The following RORA variants were observed in gnomAD, a reference collection of about 807,000 sequenced individuals.
The protein encoded by RORA is nuclear receptor ROR-alpha.
Under a neutral mutation model 69.5 loss-of-function variants are expected in RORA, and 7 were observed. The ratio of observed to expected loss-of-function variants is 0.10; its 90% CI spans 0.06 to 0.19. RORA has a LOEUF of 0.19. RORA is among the 10% of genes least tolerant of loss of function. The probability of loss-of-function intolerance (pLI) is 1.00; values close to 1 mark genes in which losing one functional copy is unlikely to be tolerated. For missense variants in RORA, 457 were observed against 663.0 expected (o/e 0.69, Z 3.41); for synonymous variants, 261 against 240.8 (o/e 1.08, Z -0.78).
intron 1 of RORA, among the ~76,000 whole-genome samples, chr15:61,132,147 T>G (rs1038345019): frequency 6.6e-6 from 1 of 152,266 alleles, no homozygotes; most frequent in Non-Finnish European, 1.5e-5. Context: ...AGAAATTCAT[T>G]GAAATGCATG....
intron 1 of RORA, among the ~76,000 whole-genome samples, chr15:61,091,791 T>A (rs894546187): frequency 1.3e-5 from 2 of 152,228 alleles, no homozygotes; most frequent in Non-Finnish European, 2.9e-5. Context: ...ATTAGAAATG[T>A]AAGTACTGCT....
At chr15:60,772,059 T>G (rs1213370986) in intron 1 of RORA, among the ~76,000 whole-genome samples, 1 of 152,070 alleles carries the variant, frequency 6.6e-6, no homozygotes, top group Non-Finnish European at 1.5e-5. Context: ...ATTTTTATTT[T>G]TATTTATTTA....
chr15:60,645,544 A>G (rs1376049106), intron 2 of RORA, among the ~76,000 whole-genome samples: 1 of 150,956 alleles, frequency 6.6e-6, no homozygotes, highest in African/African-American at 2.4e-5. Flanking sequence ...GGCATGCGCC[A>G]TCACGCCTGG....
intron 1 of RORA, among the ~76,000 whole-genome samples, chr15:61,045,228 A>C (rs1436426641): frequency 1.3e-5 from 2 of 152,102 alleles, no homozygotes; most frequent in African/African-American, 4.8e-5. Flanking sequence ...AAGTCTCACC[A>C]GATCTGATGG....
intron 1 of RORA, among the ~76,000 whole-genome samples, chr15:61,096,222 G>C (rs1055722800): frequency 6.6e-6 from 1 of 152,154 alleles, no homozygotes; most frequent in African/African-American, 2.4e-5. Context: ...AGGTGGCTTT[G>C]GGGAATGGCT....
rs370309355 is a variant in RORA at position 61,099,853 on chromosome 15, T to G, written c.166+129200A>C. On this transcript the variant is annotated intron_variant, in intron 1 of 10. Transcript: ENST00000335670. The stretch of plus-strand genomic sequence containing the variant: ...TCAAATCCTTCTACCCTTAGGTGAA[T>G]GAAATTCGTTTGTAGGACACTCCTG... 3.3e-5 allele frequency among the ~76,000 whole-genome samples: 5 copies of G among 152,330 alleles called. No individual in the cohort carries two copies. In the East Asian group the frequency reaches 9.6e-4, roughly 29 times the overall value.
At chr15:60,834,916 A>C (rs192566381) in intron 1 of RORA, among the ~76,000 whole-genome samples, 3 of 149,306 alleles carry the variant, frequency 2.0e-5, no homozygotes, top group African/African-American at 7.6e-5. Flanking sequence ...TTTTCCCTCC[A>C]AAAAAAAACT....
chr15:60,575,670 GA>G (rs199982282), intron 2 of RORA, among the ~76,000 whole-genome samples: 96 of 151,258 alleles, frequency 6.3e-4, no homozygotes, highest in African/African-American at 2.0e-3. Context: ...CCCAGATCAA[GA>G]AAAAAAAATG....
chr15:60,668,149 T>C (rs2070407484), intron 2 of RORA, among the ~76,000 whole-genome samples: 1 of 152,186 alleles, frequency 6.6e-6, no homozygotes, highest in African/African-American at 2.4e-5. Context: ...TTGTTTCCAC[T>C]GCAGACTTAA....
At chr15:60,701,624 C>T (rs2070982690) in intron 1 of RORA, among the ~76,000 whole-genome samples, 1 of 152,208 alleles carries the variant, frequency 6.6e-6, no homozygotes, top group African/African-American at 2.4e-5. Context: ...CTGACAATGC[C>T]CAGGCCCTCC....
At position 60,692,637 on chromosome 15, in the gene RORA, A is replaced by T. The variant is rs374799841; in HGVS notation, c.167-13951T>A. On this transcript the variant is annotated intron_variant, in intron 1 of 10. Transcript: ENST00000335670. ...AAGGGAAACAGGGATAGATAAAGCA[A>T]GTGTGACAAAATGTTGGTAAGGCTG... Among the ~76,000 whole-genome samples the T allele has an allele frequency of 1.5e-3, 226 of 152,356 alleles. 1 individual carries two copies. Among genetic ancestry groups the T allele is most frequent in the African/African-American group, 5.0e-3 (210 of 41,594 alleles).
At chr15:60,616,132 T>C (rs1291271026) in intron 2 of RORA, among the ~76,000 whole-genome samples, 1 of 152,222 alleles carries the variant, frequency 6.6e-6, no homozygotes, top group Non-Finnish European at 1.5e-5. Context: ...TATGTCCTGT[T>C]TAATGTATGC....
At chr15:60,763,096 T>TTTTTTTTTTTTTTTTTTTTTTTTTTTTA in intron 1 of RORA, among the ~76,000 whole-genome samples, 1 of 109,432 alleles carries the variant, frequency 9.1e-6, no homozygotes. Context: ...TTTTTTTTTT[T>TTTTTTTTTTTTTTTTTTTTTTTTTTTTA]AACCAACCTA....
chr15:60,777,210 A>T (rs1321327283), intron 1 of RORA, among the ~76,000 whole-genome samples: 1 of 152,236 alleles, frequency 6.6e-6, no homozygotes, highest in African/African-American at 2.4e-5. Flanking sequence ...CTTCTCTAAC[A>T]AAGTATATTC....
At chr15:60,514,136 C>T (rs1425492442) in intron 4 of RORA, among the ~76,000 whole-genome samples, 2 of 152,168 alleles carry the variant, frequency 1.3e-5, no homozygotes, top group Admixed American at 6.5e-5. Context: ...TCTGTATGTA[C>T]AAATATTTGG....
chr15:60,998,670 A>C (rs1409301621), intron 1 of RORA, among the ~76,000 whole-genome samples: 2 of 152,068 alleles, frequency 1.3e-5, no homozygotes, highest in African/African-American at 4.8e-5. Flanking sequence ...AAGTGCTGGG[A>C]TTACAGGCGT....
At chr15:61,008,422 C>A (rs898718842) in intron 1 of RORA, among the ~76,000 whole-genome samples, 1 of 152,102 alleles carries the variant, frequency 6.6e-6, no homozygotes, top group Admixed American at 6.5e-5. Context: ...CCAGGTATAT[C>A]AGCTGGGTCT....
At chr15:60,927,499 G>A (rs542910100) in intron 1 of RORA, among the ~76,000 whole-genome samples, 1 of 152,314 alleles carries the variant, frequency 6.6e-6, no homozygotes, top group East Asian at 1.9e-4. Context: ...CCGTCTGACT[G>A]TGGTGGCTCA....
intron 2 of RORA, among the ~76,000 whole-genome samples, chr15:60,595,703 A>C (rs2068652601): frequency 6.6e-6 from 1 of 152,040 alleles, no homozygotes; most frequent in African/African-American, 2.4e-5. Context: ...AAAAAAAGTA[A>C]AGTAATATTG....
Sources: allele counts gnomAD v4.1 joint callset (sites outside exome capture counted in the v4.1 genomes callset), GRCh38; gene constraint gnomAD v4.1.1; transcripts MANE v1.5; gene names NCBI Gene and HGNC (gene_info 2026-07-23, HGNC 2026-07-21).